Variants in KCTD8 observed in about 807,000 individuals in gnomAD.
The protein encoded by KCTD8 is BTB/POZ domain-containing protein KCTD8.
KCTD8 carries 27 observed loss-of-function variants against 31.5 expected under a neutral mutation model. The ratio of observed to expected loss-of-function variants is 0.86; its 90% CI spans 0.63 to 1.18. The LOEUF (loss-of-function observed/expected upper bound fraction) is 1.18, where lower values mean the gene tolerates loss of function less well. Ranked by LOEUF, KCTD8 falls within the 50% of genes most tolerant of loss-of-function variation. The probability of loss-of-function intolerance (pLI) is 0.00; values close to 1 mark genes in which losing one functional copy is unlikely to be tolerated. For missense variants in KCTD8, 658 were observed against 647.7 expected (o/e 1.02, Z -0.17); for synonymous variants, 290 against 280.0 (o/e 1.04, Z -0.36).
intron 1 of KCTD8, among the ~76,000 whole-genome samples, chr4:44,360,694 G>A (rs1362483699): frequency 1.3e-5 from 2 of 151,984 alleles, no homozygotes; most frequent in East Asian, 3.9e-4. Flanking sequence ...TTTCTAAAAA[G>A]TGATCATAAA....
intron 1 of KCTD8, among the ~76,000 whole-genome samples, chr4:44,306,025 A>G (rs1383528791): frequency 1.3e-5 from 2 of 151,930 alleles, no homozygotes; most frequent in Non-Finnish European, 2.9e-5. Context: ...ATAATATTGC[A>G]TATAAAAAAG....
intron 1 of KCTD8, among the ~76,000 whole-genome samples, chr4:44,203,541 A>C (rs1441240582): frequency 6.6e-6 from 1 of 151,496 alleles, no homozygotes; most frequent in Non-Finnish European, 1.5e-5. Flanking sequence ...TGAGCTAAGC[A>C]TTCAACTAAG....
At chr4:44,286,280 C>T (rs939982674) in intron 1 of KCTD8, among the ~76,000 whole-genome samples, 8 of 152,092 alleles carry the variant, frequency 5.3e-5, no homozygotes, top group Admixed American at 3.9e-4. Flanking sequence ...ACTTAGATAT[C>T]ATAAATTCAG....
intron 1 of KCTD8, among the ~76,000 whole-genome samples, chr4:44,361,442 C>A (rs1719494761): frequency 6.6e-6 from 1 of 152,000 alleles, no homozygotes. Context: ...CAGAAATGAA[C>A]TAGATACTTT....
At chr4:44,274,439 T>C (rs1327181299) in intron 1 of KCTD8, among the ~76,000 whole-genome samples, 4 of 151,988 alleles carry the variant, frequency 2.6e-5, no homozygotes, top group South Asian at 4.1e-4. Flanking sequence ...ACCTAAAAAC[T>C]TTCAGTTTTT....
At chr4:44,371,945 A>G (rs1719797111) in intron 1 of KCTD8, among the ~76,000 whole-genome samples, 1 of 152,102 alleles carries the variant, frequency 6.6e-6, no homozygotes, top group Non-Finnish European at 1.5e-5. Flanking sequence ...GCTCTACATA[A>G]CTTATAAAGC....
intron 1 of KCTD8, among the ~76,000 whole-genome samples, chr4:44,207,031 A>T (rs1714335589): frequency 6.6e-6 from 1 of 152,240 alleles, no homozygotes; most frequent in South Asian, 2.1e-4. Flanking sequence ...CAAGTATCAG[A>T]TAAGCAACCT....
intron 1 of KCTD8, among the ~76,000 whole-genome samples, chr4:44,339,016 T>C (rs1392649080): frequency 1.3e-5 from 2 of 152,176 alleles, no homozygotes; most frequent in Non-Finnish European, 2.9e-5. Flanking sequence ...CTGCCCAATA[T>C]ACTCACAAGA....
intron 1 of KCTD8, among the ~76,000 whole-genome samples, chr4:44,378,210 G>T: frequency 7.0e-6 from 1 of 141,928 alleles, no homozygotes. Flanking sequence ...ACATATATAT[G>T]TATGTATATT....
intron 1 of KCTD8, among the ~76,000 whole-genome samples, chr4:44,191,736 T>C (rs1039692955): frequency 6.6e-6 from 1 of 152,188 alleles, no homozygotes; most frequent in Non-Finnish European, 1.5e-5. Flanking sequence ...TCTTGAACCC[T>C]GTTTTCTGTT....
chr4:44,447,040 C>A (rs1430448365), intron 1 of KCTD8, among the ~76,000 whole-genome samples: 1 of 152,208 alleles, frequency 6.6e-6, no homozygotes, highest in Non-Finnish European at 1.5e-5. Flanking sequence ...TAGAAAACCA[C>A]CCGTAACTGG....
At chr4:44,283,231 G>A (rs866892866) in intron 1 of KCTD8, among the ~76,000 whole-genome samples, 9 of 152,004 alleles carry the variant, frequency 5.9e-5, no homozygotes, top group Middle Eastern at 3.4e-3. Context: ...TGTATTTTTA[G>A]TAGAGACAAG....
intron 1 of KCTD8, among the ~76,000 whole-genome samples, chr4:44,325,762 A>G (rs990032479): frequency 6.6e-6 from 1 of 151,958 alleles, no homozygotes; most frequent in African/African-American, 2.4e-5. Context: ...TATACTTAGA[A>G]AATATCAACA....
intron 1 of KCTD8, among the ~76,000 whole-genome samples, chr4:44,241,710 A>G (rs1455536535): frequency 6.6e-6 from 1 of 152,220 alleles, no homozygotes; most frequent in Non-Finnish European, 1.5e-5. Flanking sequence ...TTGGAATCAC[A>G]GGTCCCAGTC....
chr4:44,233,422 A>T (rs940983539), intron 1 of KCTD8, among the ~76,000 whole-genome samples: 12 of 152,180 alleles, frequency 7.9e-5, no homozygotes, highest in African/African-American at 2.9e-4. Flanking sequence ...TTCCTAATTC[A>T]TCTCAATGAT....
chr4:44,286,415 C>A (rs1010962180), intron 1 of KCTD8, among the ~76,000 whole-genome samples: 1 of 152,054 alleles, frequency 6.6e-6, no homozygotes, highest in Admixed American at 6.6e-5. Context: ...CTGTTTAAAC[C>A]CTTTATAACA....
At chr4:44,218,224 C>T (rs1714706705) in intron 1 of KCTD8, among the ~76,000 whole-genome samples, 1 of 147,200 alleles carries the variant, frequency 6.8e-6, no homozygotes, top group Non-Finnish European at 1.5e-5. Flanking sequence ...ACCTCCACCT[C>T]CTGAGTTCAA....
At chr4:44,384,403 C>T (rs764902103) in intron 1 of KCTD8, among the ~76,000 whole-genome samples, 5 of 151,756 alleles carry the variant, frequency 3.3e-5, no homozygotes, top group Non-Finnish European at 5.9e-5. Context: ...ACCTAAGTGT[C>T]TATTGACAGA....
chr4:44,325,015 T>C (rs1186709667), intron 1 of KCTD8, among the ~76,000 whole-genome samples: 1 of 151,956 alleles, frequency 6.6e-6, no homozygotes, highest in Non-Finnish European at 1.5e-5. Flanking sequence ...TCAGATTATA[T>C]AAGCATGAGA....
Sources: gnomAD v4.1 joint callset for allele counts (sites outside exome capture counted in the v4.1 genomes callset) on GRCh38, gnomAD v4.1.1 for gene constraint, MANE v1.5 for transcripts, NCBI Gene and HGNC (gene_info 2026-07-23, HGNC 2026-07-21) for gene names.